Variants in OTUD7A observed in about 807,000 individuals in gnomAD.
OTUD7A encodes OTU deubiquitinase 7A.
A neutral mutation model predicts 65.7 loss-of-function variants in OTUD7A; 12 were observed. The observed-to-expected ratio is 0.18, with a 90% CI of 0.12 to 0.30. The LOEUF is 0.30. OTUD7A is among the 10% of genes least tolerant of loss of function. The pLI is 1.00. For synonymous variants in OTUD7A, 641 were observed against 586.3 expected, an observed-to-expected ratio of 1.09 and a Z score of -1.35; for missense variants, 1,148 against 1,304.8, an observed-to-expected ratio of 0.88 and a Z score of 1.85.
chr15:31,725,092 C>G (rs1282133348), intron 1 of OTUD7A, among the ~76,000 whole-genome samples: 1 of 152,080 alleles, frequency 6.6e-6, no homozygotes, highest in Non-Finnish European at 1.5e-5. Flanking sequence ...AGCCCAGAGC[C>G]CCCCACATGA....
chr15:31,483,451 T>C lies in OTUD7A; in HGVS notation c.2645A>G (p.Asn882Ser), dbSNP rs1385566753. ...CGGGCCGCCACGGCCGCACTCACCG[T>C]TCGAGCGCGCGGTCGGCGCGTCGGC... is the stretch of plus-strand genomic sequence containing the variant. The part of the protein sequence containing the change: ...ADADAPTARS[N>S]GECGRGGPGP... The change falls in exon 13 of 13, where the codon AAC becomes AGC. Residue 882 changes from asparagine to serine, a missense_variant. Transcript: ENST00000307050. 1 of 1,380,050 alleles carries C rather than the reference T, an allele frequency of 7.2e-7. No individual in the cohort carries two copies. The allele number at this position is 1,380,050 out of a possible 1,614,324, so 85.5% of individuals were successfully genotyped here. A position where few individuals can be genotyped will look rare whatever the true frequency, so the allele number is the denominator to read the frequency against.
At chr15:31,766,344 T>C in intron 1 of OTUD7A, 1 of 1,596,262 alleles carries the variant, frequency 6.3e-7, no homozygotes, top group South Asian at 1.1e-5. Flanking sequence ...CTTTCTATGA[T>C]TTGGTGGGGG....
intron 3 of OTUD7A, among the ~76,000 whole-genome samples, chr15:31,621,771 G>A (rs879830366): frequency 0.26 from 36,626 of 141,408 alleles, 5,892 homozygotes; most frequent in African/African-American, 0.43. Flanking sequence ...TTACATTTAA[G>A]GTTAATATTG....
chr15:31,483,590 C>G lies in OTUD7A; in HGVS notation c.2506G>C (p.Ala836Pro). The G allele has an allele frequency of 8.1e-7, 1 of 1,231,978 alleles. No homozygotes were observed. Among genetic ancestry groups the G allele is most frequent in the Non-Finnish European group, 1.0e-6 (1 of 990,322 alleles). The allele number at this position is 1,231,978 out of a possible 1,614,324, so 76.3% of individuals were successfully genotyped here. A position where few individuals can be genotyped will look rare whatever the true frequency, so the allele number is the denominator to read the frequency against. ...GCGCCCGGTAGGGCCCCGGGCACCG[C>G]GCGCGCCAGCGACTCGACCGTGTTG... Reference protein sequence around the residue: ...TVNTVESLARAVPGALPGAAG... With the variant: ...TVNTVESLARPVPGALPGAAG... The change falls in exon 13 of 13, where the codon GCG (alanine) becomes CCG (proline). Residue 836 changes from alanine to proline, a missense_variant. By Grantham distance (27) the Ala-to-Pro change is conservative. This residue lies in a region of OTUD7A where 842 missense variants were observed against 769.5 expected (regional missense o/e 1.09). Coordinates refer to ENST00000307050, the MANE Select transcript of OTUD7A (RefSeq NM_001382637.1).
At chr15:31,534,796 C>A (rs768606401) in intron 5 of OTUD7A, among the ~76,000 whole-genome samples, 1 of 152,094 alleles carries the variant, frequency 6.6e-6, no homozygotes. Flanking sequence ...CGACATACAC[C>A]CAAATCTGTG....
intron 3 of OTUD7A, among the ~76,000 whole-genome samples, chr15:31,649,194 T>A (rs567623376): frequency 6.6e-6 from 1 of 152,302 alleles, no homozygotes; most frequent in East Asian, 1.9e-4. Flanking sequence ...TTGACGCCAG[T>A]TTTTGGCTTT....
intron 1 of OTUD7A, among the ~76,000 whole-genome samples, chr15:31,664,698 T>C (rs999297869): frequency 2.0e-5 from 3 of 152,224 alleles, no homozygotes; most frequent in African/African-American, 7.2e-5. Flanking sequence ...TTTATTGCAT[T>C]TGCTTTTGGG....
intron 3 of OTUD7A, among the ~76,000 whole-genome samples, chr15:31,599,917 T>C (rs1415069828): frequency 6.6e-6 from 1 of 151,648 alleles, no homozygotes; most frequent in Non-Finnish European, 1.5e-5. Flanking sequence ...ATTAATGAAA[T>C]AAAGCAAGAA....
intron 3 of OTUD7A, among the ~76,000 whole-genome samples, chr15:31,610,925 G>A (rs960282661): frequency 6.6e-6 from 1 of 151,466 alleles, no homozygotes; most frequent in South Asian, 2.1e-4. Context: ...CACCATGCCC[G>A]GCCAGAAAAA....
rs547375882 is a variant in OTUD7A, at chr15:31,621,078, TGA to T, written c.151+34016_151+34017del. On this transcript the variant is annotated intron_variant, in intron 3 of 12. Transcript: ENST00000307050. ...CAGTTTCCATGTAGTTGAGCGGTTT[TGA>T]GAGAGTTTCTTAGTCCTGAGTACTA... Among the ~76,000 whole-genome samples, 771 of 150,972 alleles carry T rather than the reference TGA, an allele frequency of 5.1e-3. 5 individuals carry two copies. The highest frequency in any genetic ancestry group is 0.018 in the African/African-American group (732 of 40,590).
intron 1 of OTUD7A, among the ~76,000 whole-genome samples, chr15:31,721,825 C>T (rs745342037): frequency 1.3e-5 from 2 of 152,168 alleles, no homozygotes; most frequent in African/African-American, 2.4e-5. Context: ...GGCTGTGTCA[C>T]GGGACTGAAG....
At chr15:31,823,870 C>T (rs910751525) in intron 1 of OTUD7A, among the ~76,000 whole-genome samples, 3 of 152,194 alleles carry the variant, frequency 2.0e-5, no homozygotes, top group African/African-American at 4.8e-5. Flanking sequence ...TCTACTTCAA[C>T]AATGTCAAAC....
intron 1 of OTUD7A, chr15:31,767,883 A>T: frequency 1.5e-6 from 2 of 1,371,810 alleles, no homozygotes; most frequent in Non-Finnish European, 2.1e-6. Context: ...TTAAGTGGCA[A>T]CGTTGCAGGA....
intron 1 of OTUD7A, among the ~76,000 whole-genome samples, chr15:31,660,637 G>A (rs1447515935): frequency 2.0e-5 from 3 of 152,184 alleles, no homozygotes; most frequent in East Asian, 3.8e-4. Flanking sequence ...AGTTCTCCAG[G>A]AAATTCAATG....
chr15:31,839,193 G>A (rs1595805586), intron 1 of OTUD7A, among the ~76,000 whole-genome samples: 1 of 152,242 alleles, frequency 6.6e-6, no homozygotes, highest in South Asian at 2.1e-4. Context: ...CCTCGTCCTG[G>A]CCAGCAGTGG....
intron 1 of OTUD7A, among the ~76,000 whole-genome samples, chr15:31,764,366 G>C (rs1304103344): frequency 6.6e-6 from 1 of 151,930 alleles, no homozygotes; most frequent in Non-Finnish European, 1.5e-5. Flanking sequence ...TTTTATAGAG[G>C]AATAGTATGA....
chr15:31,628,547 TTTGGCTTAGGATTGAC>T (rs1288736550), intron 3 of OTUD7A, among the ~76,000 whole-genome samples: 82 of 152,328 alleles, frequency 5.4e-4, no homozygotes, highest in African/African-American at 1.8e-3. Flanking sequence ...GCTTTGTTCT[TTTGGCTTAGGATTGAC>T]TTGGCAATGC....
At chr15:31,694,287 G>C (rs1354799827) in intron 1 of OTUD7A, among the ~76,000 whole-genome samples, 2 of 152,236 alleles carry the variant, frequency 1.3e-5, no homozygotes, top group Non-Finnish European at 2.9e-5. Flanking sequence ...TGGATCCTGG[G>C]CTCTTACCGC....
At chr15:31,832,548 A>G (rs1896959470) in intron 1 of OTUD7A, among the ~76,000 whole-genome samples, 1 of 152,248 alleles carries the variant, frequency 6.6e-6, no homozygotes, top group Non-Finnish European at 1.5e-5. Context: ...AACCATCAAC[A>G]GAACTGTTTT....
Sources: allele counts gnomAD v4.1 joint callset (sites outside exome capture counted in the v4.1 genomes callset), GRCh38; gene constraint gnomAD v4.1.1; regional missense constraint gnomAD v4.1.1; transcripts MANE v1.5; gene names NCBI Gene and HGNC (gene_info 2026-07-23, HGNC 2026-07-21).